The following KDM4C variants were observed in gnomAD, a reference collection of about 807,000 sequenced individuals.
The protein encoded by KDM4C is lysine-specific demethylase 4C.
In KDM4C, 81 loss-of-function variants were observed where a neutral mutation model predicts 129.3. The ratio of observed to expected loss-of-function variants is 0.63; its 90% CI spans 0.52 to 0.75. The LOEUF (loss-of-function observed/expected upper bound fraction) is 0.75. KDM4C is among the 30% of genes least tolerant of loss of function. KDM4C has a pLI of 0.00. For missense variants in KDM4C, 1,457 were observed against 1,304.0 expected, an observed-to-expected ratio of 1.12 and a Z score of -1.81; for synonymous variants, 573 against 456.1, an observed-to-expected ratio of 1.26 and a Z score of -3.26.
intron 11 of KDM4C, 45 bp from the exon 12 acceptor site, chr9:6,990,370 TG>T: frequency 8.0e-7 from 1 of 1,246,180 alleles, no homozygotes; most frequent in Non-Finnish European, 1.2e-6. Context: ...TTTTGTAGTT[TG>T]TTTTTGATAA....
chr9:7,131,505 A>T (rs1193313423), intron 19 of KDM4C, among the ~76,000 whole-genome samples: 1 of 152,130 alleles, frequency 6.6e-6, no homozygotes, highest in Admixed American at 6.6e-5. Flanking sequence ...TTTTGTAGAG[A>T]TGGGGTCTCA....
chr9:7,011,780 G>C lies in KDM4C; in HGVS notation c.1869G>C (p.Thr623=), dbSNP rs373439974. Residue 623 remains threonine, a synonymous_variant, in exon 13 of 22, where the codon ACG becomes ACC. Coordinates refer to ENST00000381309, the MANE Select transcript of KDM4C (RefSeq NM_015061.6). ...AACCTCTCATCCACCTTTGGCAGACGAAGTCCCCTAACTTCGCAGCTGAGC... is the reference window on the plus strand; with the variant it reads ...AACCTCTCATCCACCTTTGGCAGACCAAGTCCCCTAACTTCGCAGCTGAGC... ...WAKPLIHLWQ[T]KSPNFAAEQE... is the part of the protein sequence containing the mutation. The C allele has an allele frequency of 1.8e-5, 29 of 1,614,082 alleles. No homozygotes were observed. The highest frequency in any genetic ancestry group is 1.7e-4 in the Middle Eastern group (1 of 6,052).
intron 17 of KDM4C, among the ~76,000 whole-genome samples, chr9:7,066,931 A>G (rs1832503007): frequency 6.6e-6 from 1 of 152,234 alleles, no homozygotes; most frequent in Non-Finnish European, 1.5e-5. Context: ...TAAGAATATG[A>G]ACATTACAGA....
At position 6,920,992 on chromosome 9, in the gene KDM4C, A is replaced by G. The variant is rs367701609; in HGVS notation, c.921+27760A>G. Among the ~76,000 whole-genome samples, 17 of 152,252 alleles carry G rather than the reference A, an allele frequency of 1.1e-4. No individual in the cohort carries two copies. In the South Asian group the frequency reaches 3.5e-3, roughly 32 times the overall value. ...ACATGACCTCCTGGCAGCACTTGAT[A>G]AAGTTGTTCCTTTATTATTTTTTTA... On this transcript the variant is annotated intron_variant, in intron 8 of 21. Transcript: ENST00000381309.
At chr9:6,984,439 T>A in intron 10 of KDM4C, 35 bp downstream of exon 10, 1 of 1,356,896 alleles carries the variant, frequency 7.4e-7, no homozygotes, top group Non-Finnish European at 1.1e-6. Context: ...CACATATAAG[T>A]AGTAGGTGGT....
chr9:6,787,028 C>G lies in KDM4C; in HGVS notation c.-17-5944C>G, dbSNP rs114516711. On this transcript the variant is annotated intron_variant, in intron 1 of 21. Transcript: ENST00000381309. ...GATTGAAAAAGGTCTAAAACCTAAG[C>G]TATCTAGGTCTTTAATCTATGTATC... 3.4e-3 allele frequency among the ~76,000 whole-genome samples: 513 copies of G among 152,208 alleles called. 3 individuals are homozygous for G. The highest frequency in any genetic ancestry group is 0.012 in the African/African-American group (496 of 41,536).
At chr9:6,728,118 G>A (rs10975807) in intron 1 of KDM4C, among the ~76,000 whole-genome samples, 20,155 of 141,442 alleles carry the variant, frequency 0.14, 1,815 homozygotes, top group Admixed American at 0.29. Flanking sequence ...GTAATTTTAT[G>A]AATGCTATGG....
chr9:6,865,484 C>T (rs1485666371), intron 5 of KDM4C, among the ~76,000 whole-genome samples: 1 of 152,082 alleles, frequency 6.6e-6, no homozygotes, highest in Non-Finnish European at 1.5e-5. Flanking sequence ...GTCATGGTTC[C>T]CTGTTTGCTA....
rs773194336 is a variant in KDM4C, at chr9:6,748,933, G to T, written c.49+27936G>T. Reference sequence around the variant, plus strand: ...AAGTATCTGAAGATGAGGTTGATGGGCTGCACCATAACCTTCTGCACTTTC... The same window carrying T: ...AAGTATCTGAAGATGAGGTTGATGGTCTGCACCATAACCTTCTGCACTTTC... On this transcript the variant is annotated intron_variant, in intron 1 of 17. Transcript: ENST00000536108. The T allele has an allele frequency of 2.4e-5, 22 of 927,628 alleles. No individual in the cohort carries two copies. In the South Asian group the frequency reaches 2.6e-4, roughly 11 times the overall value. The allele number at this position is 927,628 out of a possible 1,614,324, so 57.5% of individuals were successfully genotyped here. A position where few individuals can be genotyped will look rare whatever the true frequency, so the allele number is the denominator to read the frequency against.
intron 10 of KDM4C, among the ~76,000 whole-genome samples, chr9:6,984,960 A>C (rs981787756): frequency 2.6e-5 from 4 of 151,818 alleles, no homozygotes; most frequent in Admixed American, 1.3e-4. Context: ...TGCTTTAGTG[A>C]TTTGCCTCTT....
chr9:7,074,408 C>T (rs1833627586), intron 17 of KDM4C, among the ~76,000 whole-genome samples: 1 of 149,414 alleles, frequency 6.7e-6, no homozygotes, highest in Admixed American at 6.6e-5. Context: ...CTCAAATGAT[C>T]CACCCACCTT....
intron 1 of KDM4C, among the ~76,000 whole-genome samples, chr9:6,748,421 C>G (rs949836344): frequency 1.3e-5 from 2 of 151,250 alleles, no homozygotes; most frequent in Non-Finnish European, 2.9e-5. Flanking sequence ...GCAGGAGAAT[C>G]GCTTGAACCT....
chr9:7,071,088 C>T (rs1833129183), intron 17 of KDM4C, among the ~76,000 whole-genome samples: 1 of 152,026 alleles, frequency 6.6e-6, no homozygotes, highest in Non-Finnish European at 1.5e-5. Context: ...TAATGAAATG[C>T]GTAGATATAA....
Position 7,174,572 on chromosome 9 carries a change from G to A in KDM4C, c.3014G>A (p.Arg1005Gln), listed in dbSNP as rs1564210934. The A allele has an allele frequency of 1.9e-6, 3 of 1,614,128 alleles. No homozygotes were observed. The highest frequency in any genetic ancestry group is 2.5e-6 in the Non-Finnish European group (3 of 1,179,992). The stretch of plus-strand genomic sequence containing the variant: ...TTTTAGTCCACAGCCTCTGACATGC[G>A]ATTTGAAGACACGTTTTATGGAGCA... ...KARFSTASDMRFEDTFYGADI... is the reference protein window; with the variant it reads ...KARFSTASDMQFEDTFYGADI... Residue 1005 changes from arginine to glutamine, a missense_variant, in exon 22 of 22, where the codon CGA (arginine) becomes CAA (glutamine). Coordinates refer to ENST00000381309, the MANE Select transcript of KDM4C (RefSeq NM_015061.6).
intron 17 of KDM4C, among the ~76,000 whole-genome samples, chr9:7,075,923 G>A (rs972491083): frequency 1.3e-5 from 2 of 152,038 alleles, no homozygotes; most frequent in African/African-American, 4.8e-5. Flanking sequence ...AATCTTGGGT[G>A]TGATAATTTG....
intron 17 of KDM4C, among the ~76,000 whole-genome samples, chr9:7,062,850 T>C (rs1831901355): frequency 6.6e-6 from 1 of 152,200 alleles, no homozygotes; most frequent in African/African-American, 2.4e-5. Context: ...CACAATGCTA[T>C]TGACTTCTTT....
Position 7,103,866 on chromosome 9 carries a change from A to G in KDM4C, c.2606A>G (p.Asn869Ser), listed in dbSNP as rs775326525. 1.4e-5 allele frequency: 22 copies of G among 1,613,540 alleles called. No individual in the cohort carries two copies. The highest frequency in any genetic ancestry group is 4.0e-5 in the African/African-American group (3 of 74,892). ...TGCTTTCGACATAAGGTCAACCCCA[A>G]CGTGGTAAGATGTGCCCTCCCTTCC... Reference protein sequence around the residue: ...ITCFRHKVNPNVKSKACEKVI... With the variant: ...ITCFRHKVNPSVKSKACEKVI... Residue 869 changes from asparagine to serine, a missense_variant, in exon 18 of 22, where the codon AAC (asparagine) becomes AGC (serine). By Grantham distance (46) the Asn-to-Ser change is conservative. Coordinates refer to ENST00000381309, the MANE Select transcript of KDM4C (RefSeq NM_015061.6).
chr9:6,845,246 C>G (rs1432240586), intron 4 of KDM4C, among the ~76,000 whole-genome samples: 2 of 152,170 alleles, frequency 1.3e-5, no homozygotes, highest in Admixed American at 1.3e-4. Flanking sequence ...CAGGGTCTTG[C>G]TCTGTCATGC....
chr9:6,866,009 T>A (rs1307611986), intron 5 of KDM4C, among the ~76,000 whole-genome samples: 1 of 152,134 alleles, frequency 6.6e-6, no homozygotes, highest in Non-Finnish European at 1.5e-5. Context: ...CGCCTCGGCC[T>A]CCCAGAGTGC....
Sources: allele counts gnomAD v4.1 joint callset (sites outside exome capture counted in the v4.1 genomes callset), GRCh38; gene constraint gnomAD v4.1.1; transcripts MANE v1.5; gene names NCBI Gene and HGNC (gene_info 2026-07-23, HGNC 2026-07-21).